Variants in TRIM33 observed in about 807,000 individuals in gnomAD.
The protein encoded by TRIM33 is E3 ubiquitin-protein ligase TRIM33.
Under a neutral mutation model 125.4 loss-of-function variants are expected in TRIM33, and 20 were observed. The observed-to-expected ratio is 0.16, with a 90% CI of 0.11 to 0.23. The LOEUF is 0.23. Ranked by LOEUF, TRIM33 falls within the 10% of genes least tolerant of loss-of-function variation. TRIM33 has a pLI of 1.00. For synonymous variants in TRIM33, 564 were observed against 513.9 expected, an observed-to-expected ratio of 1.10 and a Z score of -1.32; for missense variants, 920 against 1,411.4, an observed-to-expected ratio of 0.65 and a Z score of 5.58.
chr1:114,437,463 C>T (rs1648377718), intron 4 of TRIM33, among the ~76,000 whole-genome samples: 1 of 152,072 alleles, frequency 6.6e-6, no homozygotes, highest in Non-Finnish European at 1.5e-5. Context: ...CTCAGCCTCC[C>T]GAGTACATAG....
At chr1:114,401,330 G>T in intron 17 of TRIM33, 59 bp downstream of exon 17, 6 of 1,451,900 alleles carry the variant, frequency 4.1e-6, no homozygotes, top group Non-Finnish European at 5.7e-6. Flanking sequence ...GGCCGCCAGA[G>T]CCCATACTCT....
In TRIM33 at chr1:114,510,614, G is replaced by A; in HGVS notation, c.463C>T (p.Pro155Ser). 3 of 1,558,670 alleles carry A rather than the reference G, an allele frequency of 1.9e-6. No individual in the cohort carries two copies. Among genetic ancestry groups the A allele is most frequent in the Non-Finnish European group, 2.6e-6 (3 of 1,158,312 alleles). ...ACGCTGAGCTGGCGCTCCGGCTCGGGCAGGCAGCGCAGGCAGAAGGAGTGA... is the reference window on the plus strand; with the variant it reads ...ACGCTGAGCTGGCGCTCCGGCTCGGACAGGCAGCGCAGGCAGAAGGAGTGA... ...CLHSFCLRCL[P>S]EPERQLSVPI... Residue 155 changes from proline to serine, a missense_variant, in exon 1 of 20, where the codon CCC becomes TCC. By Grantham distance (74) the Pro-to-Ser change is moderately conservative (BLOSUM62 -1). This residue lies in a region of TRIM33 where 75 missense variants were observed against 123.9 expected (regional missense o/e 0.61). Transcript: ENST00000358465.
At chr1:114,468,673 T>C (rs975418286) in intron 1 of TRIM33, 6 of 444,350 alleles carry the variant, frequency 1.4e-5, no homozygotes, top group South Asian at 3.4e-5. Flanking sequence ...CTTAATATTA[T>C]GCTTGGCAAT....
chr1:114,467,081 G>A (rs140204084), intron 1 of TRIM33, among the ~76,000 whole-genome samples: 138 of 152,326 alleles, frequency 9.1e-4, no homozygotes, highest in African/African-American at 3.2e-3. Context: ...CAACTAACAT[G>A]TCTGTGTCTA....
At chr1:114,486,223 C>T (rs990928458) in intron 1 of TRIM33, among the ~76,000 whole-genome samples, 1 of 152,098 alleles carries the variant, frequency 6.6e-6, no homozygotes, top group Admixed American at 6.5e-5. Context: ...TTGCAATGAG[C>T]TGAGATCGCA....
chr1:114,457,100 T>C (rs1649672177), intron 4 of TRIM33, among the ~76,000 whole-genome samples: 1 of 152,170 alleles, frequency 6.6e-6, no homozygotes, highest in Non-Finnish European at 1.5e-5. Context: ...GAATACTGCT[T>C]GCTCCTATCA....
At chr1:114,502,890 G>A (rs1164613148) in intron 1 of TRIM33, among the ~76,000 whole-genome samples, 2 of 152,120 alleles carry the variant, frequency 1.3e-5, no homozygotes, top group African/African-American at 4.8e-5. Context: ...GTGTCATTGT[G>A]ATACATTTTA....
chr1:114,435,000 A>G (rs893446670), intron 4 of TRIM33, among the ~76,000 whole-genome samples: 3 of 152,222 alleles, frequency 2.0e-5, no homozygotes, highest in African/African-American at 2.4e-5. Flanking sequence ...AAAATATACA[A>G]AAGTCAGAAT....
chr1:114,402,660 G>T, intron 16 of TRIM33, 100 bp downstream of exon 16: 1 of 1,328,514 alleles, frequency 7.5e-7, no homozygotes, highest in Non-Finnish European at 1.0e-6. Flanking sequence ...AAAATTAAAT[G>T]TTATCAGGTT....
At chr1:114,445,161 G>C (rs1278669444) in intron 4 of TRIM33, among the ~76,000 whole-genome samples, 1 of 152,142 alleles carries the variant, frequency 6.6e-6, no homozygotes, top group Non-Finnish European at 1.5e-5. Context: ...CAAGAAAAAT[G>C]AACAATCATC....
chr1:114,466,253 A>T (rs1208279373), intron 1 of TRIM33, among the ~76,000 whole-genome samples: 1 of 152,216 alleles, frequency 6.6e-6, no homozygotes, highest in Non-Finnish European at 1.5e-5. Context: ...AGACAAAGAT[A>T]TGAGAGCAAC....
rs939872456 is a variant in TRIM33 at position 114,424,767 on chromosome 1, A to C, written c.1696-12T>G. ...ATCAATCGAGGAGGCTACAAAAAGT[A>C]GAAATTGCAATTTATGTAATAATTT... is the stretch of plus-strand genomic sequence containing the variant. On this transcript the variant is annotated splice_polypyrimidine_tract_variant and intron_variant, in intron 9 of 19. Transcript: ENST00000358465. 6.8e-7 allele frequency: 1 copy of C among 1,464,360 alleles called. No individual in the cohort carries two copies. The allele number at this position is 1,464,360 out of a possible 1,614,324, so 90.7% of individuals were successfully genotyped here. A position where few individuals can be genotyped will look rare whatever the true frequency, so the allele number is the denominator to read the frequency against.
rs555745835 is a variant in TRIM33 at position 114,395,133 on chromosome 1, C to G, written c.*2515G>C. On this transcript the variant is annotated 3_prime_UTR_variant, in exon 20 of 20. Coordinates refer to ENST00000358465, the MANE Select transcript of TRIM33 (RefSeq NM_015906.4). ...GGTATATTAGAGCTGAAAAAATCAG[C>G]TTAGAAACACAACGATCAGTGTGCA... 92 of 198,070 alleles carry G rather than the reference C, an allele frequency of 4.6e-4. No individual in the cohort carries two copies. The highest frequency in any genetic ancestry group is 1.9e-3 in the African/African-American group (82 of 43,558). 12.3% of individuals were successfully genotyped at this position (198,070 alleles called of 1,614,324 possible). A position where few individuals can be genotyped will look rare whatever the true frequency, so the allele number is the denominator to read the frequency against.
intron 6 of TRIM33, 24 bp from the exon 7 acceptor site, chr1:114,427,918 T>C: frequency 6.2e-7 from 1 of 1,609,168 alleles, no homozygotes; most frequent in South Asian, 1.1e-5. Context: ...AGAGCTTCGC[T>C]GTAGAATTCC....
chr1:114,414,399 A>T (rs143725626), intron 11 of TRIM33, among the ~76,000 whole-genome samples: 2,116 of 152,018 alleles, frequency 0.014, 20 homozygotes, highest in Non-Finnish European at 0.022. Flanking sequence ...CCTCTACAGA[A>T]CTAGGCCCTT....
intron 1 of TRIM33, among the ~76,000 whole-genome samples, chr1:114,495,457 C>T (rs1208595387): frequency 1.3e-5 from 2 of 152,036 alleles, no homozygotes; most frequent in Non-Finnish European, 2.9e-5. Context: ...CTTCATTCCG[C>T]AAAATAGAAT....
Position 114,397,685 on chromosome 1 carries a change from C to T in TRIM33, c.3347G>A (p.Arg1116His). 1 of 1,586,012 alleles carries T rather than the reference C, an allele frequency of 6.3e-7. No individual in the cohort carries two copies. ...TACTGGTCTCTCATCTGACTTTAGG[C>T]GTTTTCTGCGGGGCTGTATAAAGTC... ...DEDFIQPRRK[R>H]LKSDERPVHI... Residue 1116 changes from arginine (R) to histidine (H), a missense_variant, in exon 20 of 20, where the codon CGC becomes CAC. Physicochemically the swap from Arg to His is conservative, Grantham distance 29. Coordinates refer to ENST00000358465, the MANE Select transcript of TRIM33 (RefSeq NM_015906.4).
intron 4 of TRIM33, among the ~76,000 whole-genome samples, chr1:114,449,918 G>A (rs1297023876): frequency 6.6e-6 from 1 of 152,004 alleles, no homozygotes; most frequent in African/African-American, 2.4e-5. Flanking sequence ...CTTACCCCAT[G>A]GCTGTCATTT....
intron 4 of TRIM33, among the ~76,000 whole-genome samples, chr1:114,435,882 T>TC (rs1206969107): frequency 7.9e-6 from 1 of 126,070 alleles, no homozygotes; most frequent in East Asian, 2.1e-4. Context: ...ACCCGCTTTT[T>TC]TTTTTTTTTT....
Sources: gnomAD v4.1 joint callset for allele counts (sites outside exome capture counted in the v4.1 genomes callset) on GRCh38, gnomAD v4.1.1 for gene constraint, gnomAD v4.1.1 regional missense constraint, MANE v1.5 for transcripts, NCBI Gene and HGNC (gene_info 2026-07-23, HGNC 2026-07-21) for gene names.